The following NLGN4Y variants were observed in gnomAD, a reference collection of about 807,000 sequenced individuals.
The protein encoded by NLGN4Y is neuroligin-4, Y-linked.
NLGN4Y carries 4 observed loss-of-function variants against 8.4 expected under a neutral mutation model. The ratio of observed to expected loss-of-function variants is 0.48; its 90% CI spans 0.23 to 1.09. NLGN4Y has a LOEUF of 1.09. Ranked by LOEUF, NLGN4Y falls within the 50% of genes least tolerant of loss-of-function variation. The pLI is 0.19. For missense variants in NLGN4Y, 90 were observed against 192.3 expected (o/e 0.47, Z 3.15); for synonymous variants, 35 against 75.6 (o/e 0.46, Z 2.78).
At chrY:14,616,214 T>C (rs942087395) in intron 1 of NLGN4Y, among the ~76,000 whole-genome samples, 16 of 33,803 alleles carry the variant, frequency 4.7e-4, no homozygotes, top group African/African-American at 1.8e-3. Flanking sequence ...TTCTTCTAGA[T>C]TTTCTAACTT....
At chrY:14,707,829 A>T (rs2080887394) in intron 2 of NLGN4Y, among the ~76,000 whole-genome samples, 1 of 33,453 alleles carries the variant, frequency 3.0e-5, no homozygotes, top group Non-Finnish European at 7.4e-5. Context: ...ATATGTCAGG[A>T]AGCCATACAG....
intron 1 of NLGN4Y, among the ~76,000 whole-genome samples, chrY:14,570,380 G>C: frequency 3.0e-5 from 1 of 32,789 alleles, no homozygotes; most frequent in Non-Finnish European, 7.5e-5. Context: ...AGCAGGTCAG[G>C]AAAGGGTCAG....
chrY:14,780,384 G>A, intron 4 of NLGN4Y, among the ~76,000 whole-genome samples: 1 of 33,252 alleles, frequency 3.0e-5, no homozygotes, highest in African/African-American at 1.2e-4. Context: ...ACTTGCTCTG[G>A]CAATATTCCC....
chrY:14,748,502 G>A, intron 4 of NLGN4Y: 1 of 141,995 alleles, frequency 7.0e-6, no homozygotes, highest in Admixed American at 1.2e-4. Flanking sequence ...ACTGATGGAT[G>A]TAATCTTCAT....
At chrY:14,542,134 T>TA (rs2080151295) in intron 1 of NLGN4Y, among the ~76,000 whole-genome samples, 2 of 32,618 alleles carry the variant, frequency 6.1e-5, no homozygotes. Context: ...GAAAGCAAAA[T>TA]AAAAAAGCAG....
intron 4 of NLGN4Y, among the ~76,000 whole-genome samples, chrY:14,755,706 G>A (rs2081054561): frequency 3.0e-5 from 1 of 32,972 alleles, no homozygotes; most frequent in African/African-American, 1.2e-4. Context: ...CAGGTGTGGT[G>A]GTGTGCACTT....
chrY:14,572,001 C>A, intron 1 of NLGN4Y, among the ~76,000 whole-genome samples: 1 of 31,221 alleles, frequency 3.2e-5, no homozygotes, highest in Non-Finnish European at 7.8e-5. Context: ...GTTACTGTAG[C>A]CTTGTAGTAT....
intron 2 of NLGN4Y, among the ~76,000 whole-genome samples, chrY:14,675,711 C>A (rs760902516): frequency 2.4e-3 from 79 of 32,490 alleles, no homozygotes; most frequent in Non-Finnish European, 5.0e-3. Flanking sequence ...TCTGGCAAGA[C>A]CTTCTTGCAC....
At chrY:14,832,671 CA>C (rs2043183889) in intron 6 of NLGN4Y, among the ~76,000 whole-genome samples, 1 of 32,921 alleles carries the variant, frequency 3.0e-5, no homozygotes, top group Admixed American at 2.8e-4. Context: ...TGATGCCCCA[CA>C]AGCCGCAAAA....
chrY:14,752,054 A>G (rs772429127), intron 4 of NLGN4Y, among the ~76,000 whole-genome samples: 31 of 33,290 alleles, frequency 9.3e-4, no homozygotes, highest in Middle Eastern at 0.014. Context: ...CTACTCCTAG[A>G]TATGAAGATT....
chrY:14,739,673 A>G, intron 4 of NLGN4Y, among the ~76,000 whole-genome samples: 1 of 33,016 alleles, frequency 3.0e-5, no homozygotes, highest in South Asian at 6.8e-4. Context: ...TTTTTGTGTA[A>G]GTGTCCAGAC....
At chrY:14,753,390 C>T (rs2081048413) in intron 4 of NLGN4Y, among the ~76,000 whole-genome samples, 1 of 30,617 alleles carries the variant, frequency 3.3e-5, no homozygotes, top group East Asian at 8.2e-4. Flanking sequence ...CCACCCACCT[C>T]GGCCTCCCAA....
At chrY:14,728,066 T>C (rs1276458928) in intron 4 of NLGN4Y, among the ~76,000 whole-genome samples, 1 of 33,842 alleles carries the variant, frequency 3.0e-5, no homozygotes, top group Non-Finnish European at 7.3e-5. Context: ...CATTGTTGAG[T>C]GTTTGGAGCT....
intron 4 of NLGN4Y, among the ~76,000 whole-genome samples, chrY:14,815,153 T>C: frequency 3.0e-5 from 1 of 33,111 alleles, no homozygotes; most frequent in African/African-American, 1.2e-4. Flanking sequence ...TAATAACTCA[T>C]ATTATTTTCA....
intron 1 of NLGN4Y, among the ~76,000 whole-genome samples, chrY:14,527,511 C>G: frequency 3.0e-5 from 1 of 33,739 alleles, no homozygotes; most frequent in East Asian, 7.7e-4. Flanking sequence ...AAAATATGTT[C>G]AGTTGAGTTC....
rs368434890 is a variant in NLGN4Y at position 14,596,618 on chromosome Y, G to A, written c.-111-25391G>A. On this transcript the variant is annotated intron_variant, in intron 1 of 6. Coordinates refer to ENST00000684976, the MANE Select transcript of NLGN4Y (RefSeq NM_001365588.1). ...GCCCAGAAGTACAGAAAAAGCAGAA[G>A]CTGGTTCTAGGTAAAACAACGGTCC... Among the ~76,000 whole-genome samples the A allele has an allele frequency of 4.8e-3, 160 of 33,164 alleles. No homozygotes were observed. The South Asian group carries it at 0.1, about 21-fold the overall frequency. 89.0% of individuals were successfully genotyped at this position (33,164 alleles called of 37,273 possible). A position where few individuals can be genotyped will look rare whatever the true frequency, so the allele number is the denominator to read the frequency against.
chrY:14,712,472 T>G (rs756966892), intron 2 of NLGN4Y, among the ~76,000 whole-genome samples: 18 of 33,382 alleles, frequency 5.4e-4, no homozygotes, highest in African/African-American at 2.1e-3. Context: ...CTCTTGTCCC[T>G]TCTGTGCCCT....
intron 2 of NLGN4Y, among the ~76,000 whole-genome samples, chrY:14,674,848 G>A: frequency 3.0e-5 from 1 of 33,643 alleles, no homozygotes; most frequent in South Asian, 6.7e-4. Flanking sequence ...GCTTAAGACT[G>A]TATAAACATA....
At chrY:14,562,199 T>A in intron 1 of NLGN4Y, among the ~76,000 whole-genome samples, 1 of 33,788 alleles carries the variant, frequency 3.0e-5, no homozygotes, top group Non-Finnish European at 7.3e-5. Flanking sequence ...TTTATGGTCC[T>A]AGGTCTTACA....
Sources: gnomAD v4.1 joint callset for allele counts (sites outside exome capture counted in the v4.1 genomes callset) on GRCh38, gnomAD v4.1.1 for gene constraint, MANE v1.5 for transcripts, NCBI Gene and HGNC (gene_info 2026-07-23, HGNC 2026-07-21) for gene names.